DAPK2: variants seen among roughly 807,000 people sequenced by gnomAD.
The protein encoded by DAPK2 is death associated protein kinase 2.
Under a neutral mutation model 44.1 loss-of-function variants are expected in DAPK2, and 35 were observed. The observed-to-expected ratio is 0.79, with a 90% CI of 0.61 to 1.05. DAPK2 has a LOEUF of 1.05. DAPK2 is among the 50% of genes least tolerant of loss of function. The probability of loss-of-function intolerance (pLI) is 0.00; values close to 1 mark genes in which losing one functional copy is unlikely to be tolerated. For synonymous variants in DAPK2, 174 were observed against 182.6 expected, an observed-to-expected ratio of 0.95 and a Z score of 0.38; for missense variants, 453 against 483.2, an observed-to-expected ratio of 0.94 and a Z score of 0.59.
chr15:64,042,653 C>A (rs1159118772), upstream of DAPK2, among the ~76,000 whole-genome samples: 2 of 152,228 alleles, frequency 1.3e-5, no homozygotes, highest in Non-Finnish European at 2.9e-5. The surrounding 1 kb of genome is among the most constrained non-coding windows in gnomAD (Gnocchi z 4.7). Flanking sequence ...AAACTAGGCC[C>A]ACCAGTTAGG....
intron 4 of DAPK2, among the ~76,000 whole-genome samples, chr15:63,934,158 T>C (rs2077061596): frequency 1.3e-5 from 2 of 151,996 alleles, no homozygotes. Context: ...AATCAACATT[T>C]TGATGCTCCT....
At chr15:63,945,611 G>C (rs1464165162) in intron 3 of DAPK2, among the ~76,000 whole-genome samples, 2 of 152,164 alleles carry the variant, frequency 1.3e-5, no homozygotes, top group Admixed American at 1.3e-4. Context: ...TCCCCAAATA[G>C]AGCAGGGTGG....
chr15:64,007,836 C>T (rs1324287144), intron 1 of DAPK2, among the ~76,000 whole-genome samples: 1 of 152,002 alleles, frequency 6.6e-6, no homozygotes, highest in Non-Finnish European at 1.5e-5. Context: ...TATTATTTGG[C>T]AATTAAAAGG....
chr15:64,044,198 T>C (rs1373464905), upstream of DAPK2, among the ~76,000 whole-genome samples: 5 of 152,116 alleles, frequency 3.3e-5, no homozygotes, highest in African/African-American at 1.2e-4. Flanking sequence ...GCACAGGCCA[T>C]CAGCTCCAGA....
intron 2 of DAPK2, among the ~76,000 whole-genome samples, chr15:63,982,753 G>C (rs965379183): frequency 5.3e-5 from 8 of 152,178 alleles, no homozygotes; most frequent in Non-Finnish European, 1.0e-4. Context: ...TCCTGGTCCT[G>C]CCACTTCCTG....
intron 4 of DAPK2, 23 bp from the exon 6 acceptor site, chr15:63,930,478 G>C: frequency 6.2e-7 from 1 of 1,611,670 alleles, no homozygotes; most frequent in East Asian, 2.2e-5. Flanking sequence ...ATATTAAATA[G>C]TCAACATGAG....
In DAPK2 at chr15:63,922,885, C is replaced by T. The variant is rs1280989275; in HGVS notation, c.858+1931G>A. On this transcript the variant is annotated intron_variant, in intron 8 of 10. Transcript: ENST00000261891. ...AGCTGCCCACCAGCTCCTGAATCCACTGCAGGTCTGCGGAGAGCTCCTGCC... is the reference window on the plus strand; with the variant it reads ...AGCTGCCCACCAGCTCCTGAATCCATTGCAGGTCTGCGGAGAGCTCCTGCC... 3 of 1,535,850 alleles carry T rather than the reference C, an allele frequency of 2.0e-6. No individual in the cohort carries two copies. In the African/African-American group the frequency reaches 4.1e-5, roughly 21 times the overall value.
At chr15:64,022,170 A>G (rs768596518) in intron 1 of DAPK2, among the ~76,000 whole-genome samples, 2 of 152,224 alleles carry the variant, frequency 1.3e-5, no homozygotes, top group Non-Finnish European at 2.9e-5. Context: ...GCTGGTTAGT[A>G]TCAACAAGGG....
At position 64,046,024 on chromosome 15, in the gene DAPK2, T is replaced by C. The variant is rs2080453568; in HGVS notation, c.-7+274A>G. ...GGACGTCTGTCTCCCATCTCCCTGC[T>C]GGGTGCTTGGCTCTGCCCGCCGCCT... On this transcript the variant is annotated intron_variant, in intron 1 of 11. Transcript: ENST00000457488. This position sits in a 1 kb window ranked among gnomAD's most constrained non-coding sequence, Gnocchi z 5.3. Among the ~76,000 whole-genome samples, 1 of 152,202 alleles carries C rather than the reference T, an allele frequency of 6.6e-6. No homozygotes were observed. The highest frequency in any genetic ancestry group is 6.5e-5 in the Admixed American group (1 of 15,286).
intron 3 of DAPK2, among the ~76,000 whole-genome samples, chr15:63,963,997 G>T (rs2077983576): frequency 6.6e-6 from 1 of 152,150 alleles, no homozygotes; most frequent in African/African-American, 2.4e-5. Context: ...CACAATTACA[G>T]TGTTATGATA....
intron 6 of DAPK2, among the ~76,000 whole-genome samples, chr15:63,926,874 C>T (rs932228917): frequency 6.6e-6 from 1 of 152,180 alleles, no homozygotes; most frequent in Non-Finnish European, 1.5e-5. Flanking sequence ...CTTTCTATTC[C>T]CTTGCCACAT....
intron 1 of DAPK2, among the ~76,000 whole-genome samples, chr15:64,004,064 CTT>C (rs772482910): frequency 1.6e-4 from 24 of 152,068 alleles, no homozygotes; most frequent in South Asian, 1.2e-3. Flanking sequence ...TCTTAAGCCT[CTT>C]TTAATCTTTA....
chr15:63,941,357 T>C (rs2077302167), intron 3 of DAPK2, among the ~76,000 whole-genome samples: 2 of 152,248 alleles, frequency 1.3e-5, no homozygotes, highest in African/African-American at 4.8e-5. Context: ...TGCTTTCTCT[T>C]GTCCAGCGGC....
chr15:64,032,819 T>C (rs996267441), intron 1 of DAPK2, among the ~76,000 whole-genome samples: 3 of 151,910 alleles, frequency 2.0e-5, no homozygotes, highest in Non-Finnish European at 4.4e-5. Context: ...GGCGTGGTGG[T>C]TCATGACTGT....
intron 1 of DAPK2, among the ~76,000 whole-genome samples, chr15:64,036,309 G>GTGTATATATGTATA (rs1255068392): frequency 1.7e-5 from 1 of 60,516 alleles, no homozygotes; most frequent in Non-Finnish European, 4.0e-5. Context: ...GTGTGTGTGT[G>GTGTATATATGTATA]TATATATATG....
intron 3 of DAPK2, among the ~76,000 whole-genome samples, chr15:63,962,112 C>G (rs2077919092): frequency 6.6e-6 from 1 of 152,026 alleles, no homozygotes; most frequent in African/African-American, 2.4e-5. Context: ...TCACTGATAC[C>G]CTTTCTTCCA....
intron 1 of DAPK2, among the ~76,000 whole-genome samples, chr15:64,001,399 C>T (rs942297620): frequency 1.1e-4 from 17 of 152,106 alleles, no homozygotes; most frequent in African/African-American, 3.1e-4. Flanking sequence ...CCTCCTACCC[C>T]GAGATGGGGC....
At chr15:64,041,116 T>A (rs893747246), upstream of DAPK2, among the ~76,000 whole-genome samples, 2 of 152,196 alleles carry the variant, frequency 1.3e-5, no homozygotes, top group Non-Finnish European at 2.9e-5. Flanking sequence ...CTCAGCTCCC[T>A]CAGGTGTTGT....
chr15:63,913,334 A>C (rs2078844587), intron 8 of DAPK2, among the ~76,000 whole-genome samples: 1 of 152,218 alleles, frequency 6.6e-6, no homozygotes, highest in Admixed American at 6.5e-5. Context: ...TACATTTTAA[A>C]ATGGTGAATT....
Sources: allele counts gnomAD v4.1 joint callset (sites outside exome capture counted in the v4.1 genomes callset), GRCh38; gene constraint gnomAD v4.1.1; non-coding constraint Gnocchi (gnomAD v3.1); transcripts MANE v1.5; gene names NCBI Gene and HGNC (gene_info 2026-07-23, HGNC 2026-07-21).